Variants in GMDS observed in about 807,000 individuals in gnomAD.
GMDS encodes the protein GDP-mannose 4,6 dehydratase.
In GMDS, 20 loss-of-function variants were observed where a neutral mutation model predicts 49.9. The observed-to-expected ratio is 0.40, with a 90% CI of 0.28 to 0.58. The LOEUF (loss-of-function observed/expected upper bound fraction) is 0.58. Among genes scored for constraint, GMDS ranks in the 20% least tolerant of loss-of-function variants. GMDS has a pLI of 0.42. For missense variants in GMDS, 362 were observed against 481.4 expected (o/e 0.75, Z 2.32); for synonymous variants, 177 against 178.6 (o/e 0.99, Z 0.07).
chr6:1,785,548 G>A (rs1028982895), intron 7 of GMDS, among the ~76,000 whole-genome samples: 8 of 152,122 alleles, frequency 5.3e-5, no homozygotes, highest in African/African-American at 1.7e-4. Context: ...CGCAGCCCTC[G>A]CCACGTGGGC....
intron 9 of GMDS, among the ~76,000 whole-genome samples, chr6:1,721,040 T>TTA (rs1424751705): frequency 6.6e-6 from 1 of 152,096 alleles, no homozygotes; most frequent in Non-Finnish European, 1.5e-5. Flanking sequence ...TGACTGGCAT[T>TTA]TATATAAGTC....
intron 6 of GMDS, among the ~76,000 whole-genome samples, chr6:1,935,010 T>A (rs1172720089): frequency 6.6e-6 from 1 of 152,236 alleles, no homozygotes; most frequent in East Asian, 1.9e-4. Flanking sequence ...TCTTCTGCGA[T>A]GAGATGACCT....
chr6:1,863,291 TA>T (rs983372336), intron 7 of GMDS, among the ~76,000 whole-genome samples: 11 of 152,112 alleles, frequency 7.2e-5, no homozygotes, highest in Non-Finnish European at 1.6e-4. Context: ...TTCTCGCAAG[TA>T]AAAAAGAAAA....
intron 4 of GMDS, among the ~76,000 whole-genome samples, chr6:2,111,747 A>C (rs750141687): frequency 1.5e-4 from 23 of 152,244 alleles, no homozygotes; most frequent in Non-Finnish European, 3.2e-4. Context: ...AAATTTAATT[A>C]ATCTTATGGC....
chr6:1,939,499 A>G (rs1005529651), intron 6 of GMDS, among the ~76,000 whole-genome samples: 10 of 151,862 alleles, frequency 6.6e-5, no homozygotes, highest in African/African-American at 2.2e-4. Flanking sequence ...ATATACATAT[A>G]CACACATGCA....
intron 7 of GMDS, among the ~76,000 whole-genome samples, chr6:1,911,564 A>C (rs932458513): frequency 3.9e-5 from 6 of 152,130 alleles, no homozygotes; most frequent in African/African-American, 1.4e-4. Context: ...AAAAAAAAAA[A>C]AAGCCGTGGA....
rs962334592 is a variant in GMDS, at chr6:2,059,431, G to A, written c.345+56340C>T. On this transcript the variant is annotated intron_variant, in intron 4 of 10. Transcript: ENST00000380815. ...AAGACTTAAAAATGCACTACTGGCC[G>A]GGCGCGGTGGCTCACGCCTGTAATC... Among the ~76,000 whole-genome samples the A allele has an allele frequency of 9.2e-5, 14 of 151,470 alleles. No individual in the cohort carries two copies. In the East Asian group the frequency reaches 1.2e-3, roughly 13 times the overall value.
intron 7 of GMDS, among the ~76,000 whole-genome samples, chr6:1,772,370 C>A (rs917909265): frequency 1.3e-5 from 2 of 152,118 alleles, no homozygotes; most frequent in African/African-American, 2.4e-5. Context: ...TCTTTTAATC[C>A]CCAGAGAAAA....
At chr6:1,701,824 A>G (rs1765553308) in intron 9 of GMDS, among the ~76,000 whole-genome samples, 2 of 152,284 alleles carry the variant, frequency 1.3e-5, no homozygotes, top group Admixed American at 1.3e-4. Context: ...GTTCCTTACA[A>G]CTAATTATTT....
chr6:1,662,132 G>A (rs1764099658), intron 9 of GMDS, among the ~76,000 whole-genome samples: 1 of 152,200 alleles, frequency 6.6e-6, no homozygotes, highest in Admixed American at 6.5e-5. Flanking sequence ...GCACTTCTCG[G>A]TGCCTTCTGT....
At chr6:2,233,593 G>A (rs1468895147) in intron 1 of GMDS, among the ~76,000 whole-genome samples, 1 of 152,230 alleles carries the variant, frequency 6.6e-6, no homozygotes, top group Non-Finnish European at 1.5e-5. Flanking sequence ...GCTGAGGTGG[G>A]CAGATCACTT....
In GMDS at chr6:1,778,864, G is replaced by A. The variant is rs1184359279; in HGVS notation, c.772-36278C>T. 6.6e-6 allele frequency among the ~76,000 whole-genome samples: 1 copy of A among 151,700 alleles called. No individual in the cohort carries two copies. Among genetic ancestry groups the A allele is most frequent in the Non-Finnish European group, 1.5e-5 (1 of 67,924 alleles). On this transcript the variant is annotated intron_variant, in intron 7 of 10. Coordinates refer to ENST00000380815, the MANE Select transcript of GMDS (RefSeq NM_001500.4). This position sits in a 1 kb window ranked among gnomAD's most constrained non-coding sequence, Gnocchi z 4.6. ...TTTCTTGTTTTTTTTTTCTCTTATA[G>A]CAGAAATACGCCTGAAAATGTTTTT...
intron 4 of GMDS, among the ~76,000 whole-genome samples, chr6:2,001,692 C>T (rs1042824664): frequency 1.3e-5 from 2 of 152,052 alleles, no homozygotes; most frequent in Non-Finnish European, 2.9e-5. Flanking sequence ...AGAATAGATG[C>T]ACAAATCAAT....
chr6:2,085,552 C>T (rs1437659649), intron 4 of GMDS, among the ~76,000 whole-genome samples: 1 of 152,116 alleles, frequency 6.6e-6, no homozygotes, highest in South Asian at 2.1e-4. Context: ...TTTTTTTAAA[C>T]AGGGTCTCAC....
intron 7 of GMDS, among the ~76,000 whole-genome samples, chr6:1,871,880 G>A (rs1758777076): frequency 6.6e-6 from 1 of 152,200 alleles, no homozygotes; most frequent in South Asian, 2.1e-4. Context: ...TTGTGAATGA[G>A]GACGAAGATA....
chr6:2,244,819 T>C (rs1781785263), intron 1 of GMDS, among the ~76,000 whole-genome samples: 1 of 152,202 alleles, frequency 6.6e-6, no homozygotes, highest in Non-Finnish European at 1.5e-5. Flanking sequence ...CATGTTCTCT[T>C]TTCTATCTGG....
At chr6:2,096,427 T>G (rs1773607322) in intron 4 of GMDS, among the ~76,000 whole-genome samples, 1 of 152,184 alleles carries the variant, frequency 6.6e-6, no homozygotes, top group Non-Finnish European at 1.5e-5. Flanking sequence ...ATTTACAAAC[T>G]TGAACACTGT....
At chr6:1,725,632 A>G (rs1180208989) in intron 9 of GMDS, among the ~76,000 whole-genome samples, 7 of 152,214 alleles carry the variant, frequency 4.6e-5, no homozygotes, top group East Asian at 1.9e-4. Context: ...GGGGTTTCAC[A>G]TGTTGGTCAG....
chr6:1,748,299 A>G (rs1173790379), intron 7 of GMDS, among the ~76,000 whole-genome samples: 2 of 152,116 alleles, frequency 1.3e-5, no homozygotes, highest in Non-Finnish European at 1.5e-5. Context: ...ATCTTTGAAT[A>G]TATCTTATCT....
Sources: allele counts gnomAD v4.1 joint callset (sites outside exome capture counted in the v4.1 genomes callset), GRCh38; gene constraint gnomAD v4.1.1; non-coding constraint Gnocchi (gnomAD v3.1); transcripts MANE v1.5; gene names NCBI Gene and HGNC (gene_info 2026-07-23, HGNC 2026-07-21).